Variants in ERBB4 observed in about 807,000 individuals in gnomAD.
ERBB4 encodes the protein erb-b2 receptor tyrosine kinase 4, also known as receptor tyrosine-protein kinase erbB-4.
Under a neutral mutation model 158.0 loss-of-function variants are expected in ERBB4, and 42 were observed. The ratio of observed to expected loss-of-function variants is 0.27; its 90% CI spans 0.21 to 0.34. The LOEUF is 0.34. ERBB4 is among the 10% of genes least tolerant of loss of function. The pLI is 1.00. For synonymous variants in ERBB4, 583 were observed against 558.7 expected (o/e 1.04, Z -0.61); for missense variants, 1,333 against 1,624.1 (o/e 0.82, Z 3.08).
At chr2:212,094,740 T>A (rs535300880) in intron 2 of ERBB4, among the ~76,000 whole-genome samples, 72 of 152,122 alleles carry the variant, frequency 4.7e-4, no homozygotes, top group Non-Finnish European at 9.1e-4. Flanking sequence ...CCTGCAGAAC[T>A]GTCAGCCAAT....
At chr2:212,501,163 C>T (rs1690868681) in intron 1 of ERBB4, among the ~76,000 whole-genome samples, 1 of 152,112 alleles carries the variant, frequency 6.6e-6, no homozygotes, top group Non-Finnish European at 1.5e-5. Context: ...TACACAGCCA[C>T]ACATCTAATG....
chr2:212,514,685 G>A (rs1691725382), intron 1 of ERBB4, among the ~76,000 whole-genome samples: 1 of 152,102 alleles, frequency 6.6e-6, no homozygotes, highest in Non-Finnish European at 1.5e-5. Flanking sequence ...TGCACCTGTA[G>A]TCTCAGCTAC....
At chr2:212,127,324 G>A (rs921106741) in intron 1 of ERBB4, among the ~76,000 whole-genome samples, 6 of 152,300 alleles carry the variant, frequency 3.9e-5, no homozygotes, top group Admixed American at 2.0e-4. Flanking sequence ...TGGGTGCAGC[G>A]GCTCATGCCT....
intron 20 of ERBB4, among the ~76,000 whole-genome samples, chr2:211,511,139 T>G (rs1394654004): frequency 6.6e-6 from 1 of 152,036 alleles, no homozygotes; most frequent in Admixed American, 6.5e-5. Context: ...AACTGCCTAC[T>G]TAAGGCCAGA....
intron 1 of ERBB4, among the ~76,000 whole-genome samples, chr2:212,303,289 C>T (rs1252037524): frequency 6.6e-6 from 1 of 151,316 alleles, no homozygotes; most frequent in African/African-American, 2.4e-5. Context: ...AGGATTTCTC[C>T]CTATTTCACT....
intron 1 of ERBB4, among the ~76,000 whole-genome samples, chr2:212,201,964 G>A (rs2082598687): frequency 6.6e-6 from 1 of 152,134 alleles, no homozygotes; most frequent in African/African-American, 2.4e-5. Context: ...GAAAAATTGT[G>A]AGTTTGAAGG....
At chr2:211,580,797 TATA>T (rs1253838975) in intron 19 of ERBB4, among the ~76,000 whole-genome samples, 11 of 64,100 alleles carry the variant, frequency 1.7e-4, no homozygotes, top group Admixed American at 1.3e-3. Flanking sequence ...GATATATATA[TATA>T]TATATATATA....
At chr2:212,003,544 C>T (rs1346091505) in intron 2 of ERBB4, among the ~76,000 whole-genome samples, 1 of 152,104 alleles carries the variant, frequency 6.6e-6, no homozygotes, top group African/African-American at 2.4e-5. Flanking sequence ...CACCACCTCT[C>T]TACACCCAAG....
chr2:211,787,727 TAA>T (rs2076196832), intron 4 of ERBB4, among the ~76,000 whole-genome samples: 1 of 152,134 alleles, frequency 6.6e-6, no homozygotes, highest in African/African-American at 2.4e-5. Context: ...ATACCAGCCT[TAA>T]GTTTGTGGAT....
intron 1 of ERBB4, among the ~76,000 whole-genome samples, chr2:212,136,890 CCTT>C (rs769567755): frequency 6.6e-6 from 1 of 152,116 alleles, no homozygotes; most frequent in Non-Finnish European, 1.5e-5. Context: ...TCCAAGATCA[CCTT>C]CTAACAAGTT....
At chr2:211,674,303 C>T (rs2105942623) in intron 13 of ERBB4, among the ~76,000 whole-genome samples, 1 of 152,184 alleles carries the variant, frequency 6.6e-6, no homozygotes, top group Non-Finnish European at 1.5e-5. Context: ...TTAAGTGATA[C>T]ATTAAAATAT....
At chr2:212,248,919 T>C (rs1046993956) in intron 1 of ERBB4, among the ~76,000 whole-genome samples, 4 of 152,172 alleles carry the variant, frequency 2.6e-5, no homozygotes, top group African/African-American at 9.6e-5. Flanking sequence ...TTCTATTTTC[T>C]CCTGAATCTT....
intron 16 of ERBB4, among the ~76,000 whole-genome samples, chr2:211,645,568 T>C (rs1201571684): frequency 6.6e-6 from 1 of 151,670 alleles, no homozygotes; most frequent in African/African-American, 2.4e-5. Context: ...TCTTTATCCA[T>C]CAAGATCTCT....
intron 25 of ERBB4, among the ~76,000 whole-genome samples, chr2:211,415,366 G>C (rs899025286): frequency 6.6e-6 from 1 of 151,026 alleles, no homozygotes; most frequent in Non-Finnish European, 1.5e-5. Flanking sequence ...TGATCCGCCC[G>C]CCTCTGCCTC....
At chr2:212,470,410 C>T (rs547353218) in intron 1 of ERBB4, among the ~76,000 whole-genome samples, 1 of 152,190 alleles carries the variant, frequency 6.6e-6, no homozygotes, top group South Asian at 2.1e-4. Context: ...GATTGCCTAT[C>T]ATAGGACCAA....
intron 3 of ERBB4, among the ~76,000 whole-genome samples, chr2:211,883,647 G>A (rs922686575): frequency 6.6e-5 from 10 of 151,760 alleles, no homozygotes; most frequent in Non-Finnish European, 1.0e-4. Context: ...TTATCCTGGC[G>A]TTGTCGTGGG....
At chr2:211,846,541 C>A (rs1374552675) in intron 3 of ERBB4, among the ~76,000 whole-genome samples, 3 of 152,044 alleles carry the variant, frequency 2.0e-5, no homozygotes, top group Non-Finnish European at 2.9e-5. Flanking sequence ...CCTCTTATTT[C>A]AGTGGAAAAA....
intron 2 of ERBB4, among the ~76,000 whole-genome samples, chr2:212,097,760 A>G (rs2078971682): frequency 6.6e-6 from 1 of 152,222 alleles, no homozygotes; most frequent in Non-Finnish European, 1.5e-5. Context: ...GCAACATCAA[A>G]TGTTGCAAAA....
At chr2:211,818,911 T>C (rs1327762073) in intron 3 of ERBB4, among the ~76,000 whole-genome samples, 2 of 152,106 alleles carry the variant, frequency 1.3e-5, no homozygotes, top group African/African-American at 4.8e-5. Context: ...CAAATGTATT[T>C]ATAAAATGTC....
Sources: gnomAD v4.1 joint callset for allele counts (sites outside exome capture counted in the v4.1 genomes callset) on GRCh38, gnomAD v4.1.1 for gene constraint, MANE v1.5 for transcripts, NCBI Gene and HGNC (gene_info 2026-07-23, HGNC 2026-07-21) for gene names.